The following AFF2 variants were observed in gnomAD, a reference collection of about 807,000 sequenced individuals.
AFF2 encodes the protein AF4/FMR2 family member 2.
A neutral mutation model predicts 76.9 loss-of-function variants in AFF2; 14 were observed. The observed-to-expected ratio is 0.18, with a 90% CI of 0.12 to 0.28. The LOEUF (loss-of-function observed/expected upper bound fraction) is 0.28. Ranked by LOEUF, AFF2 falls within the 10% of genes least tolerant of loss-of-function variation. The probability of loss-of-function intolerance (pLI) is 1.00; values close to 1 mark genes in which losing one functional copy is unlikely to be tolerated. For missense variants in AFF2, 868 were observed against 1,001.1 expected, an observed-to-expected ratio of 0.87 and a Z score of 1.79; for synonymous variants, 398 against 366.7, an observed-to-expected ratio of 1.09 and a Z score of -0.98.
chrX:148,965,182 A>G (rs2072156796), intron 13 of AFF2, among the ~76,000 whole-genome samples: 1 of 111,997 alleles, frequency 8.9e-6, no homozygotes, highest in Non-Finnish European at 1.9e-5. Flanking sequence ...GAGTCCAGCC[A>G]GGAGACTCTT....
chrX:148,839,963 G>A (rs782090865), intron 5 of AFF2, among the ~76,000 whole-genome samples: 68 of 106,379 alleles, frequency 6.4e-4, no homozygotes, highest in Non-Finnish European at 1.2e-3. Flanking sequence ...TAATCCCAAT[G>A]GATTTTCTAG....
At chrX:148,753,058 G>T (rs1233201350) in intron 3 of AFF2, among the ~76,000 whole-genome samples, 1 of 111,542 alleles carries the variant, frequency 9.0e-6, no homozygotes. Context: ...GCAGCCATTT[G>T]TAAGGCTCAC....
chrX:148,807,277 G>A (rs373472974), intron 3 of AFF2, among the ~76,000 whole-genome samples: 2 of 111,825 alleles, frequency 1.8e-5, no homozygotes, highest in Non-Finnish European at 3.8e-5. Flanking sequence ...TTGAAAAGAC[G>A]AGAAGACAGG....
At chrX:148,618,360 C>T (rs1476351062) in intron 1 of AFF2, among the ~76,000 whole-genome samples, 1 of 111,202 alleles carries the variant, frequency 9.0e-6, no homozygotes, top group African/African-American at 3.3e-5. Context: ...GGGAAACAAA[C>T]ACATCCTTCT....
chrX:148,664,703 A>C (rs112722927), intron 3 of AFF2, among the ~76,000 whole-genome samples: 2,030 of 112,709 alleles, frequency 0.018, 47 homozygotes, highest in African/African-American at 0.062. Context: ...CTTAGCACAT[A>C]GTAGATACTC....
intron 3 of AFF2, among the ~76,000 whole-genome samples, chrX:148,764,009 T>C (rs2069482912): frequency 8.9e-6 from 1 of 112,300 alleles, no homozygotes; most frequent in Non-Finnish European, 1.9e-5. Context: ...AATCTGTAGA[T>C]TAGTCAGCTG....
At chrX:148,666,404 G>A (rs1203580883) in intron 3 of AFF2, among the ~76,000 whole-genome samples, 4 of 110,268 alleles carry the variant, frequency 3.6e-5, no homozygotes, top group African/African-American at 1.3e-4. Flanking sequence ...GGCCAACATG[G>A]TGAAACCCCA....
chrX:148,685,365 T>G (rs1557260257), intron 3 of AFF2, among the ~76,000 whole-genome samples: 1 of 112,400 alleles, frequency 8.9e-6, no homozygotes, highest in Non-Finnish European at 1.9e-5. Flanking sequence ...ACCCAGTGAA[T>G]TATCCCTGCC....
chrX:148,688,823 A>G (rs2054623948), intron 3 of AFF2, among the ~76,000 whole-genome samples: 1 of 111,733 alleles, frequency 8.9e-6, no homozygotes. Flanking sequence ...ACTAAATACT[A>G]TAGGCAACTG....
At position 148,874,025 on chromosome X, in the gene AFF2, C is replaced by T. The variant is rs959621549; in HGVS notation, c.1263-11864C>T. Reference sequence around the variant, plus strand: ...TGATTCTATCTAGACAGCTAGTTACCTATCTATCAAGAAGGTGAGTCTATG... The same window carrying T: ...TGATTCTATCTAGACAGCTAGTTACTTATCTATCAAGAAGGTGAGTCTATG... On this transcript the variant is annotated intron_variant, in intron 7 of 20. Coordinates refer to ENST00000370460, the MANE Select transcript of AFF2 (RefSeq NM_002025.4). 8.1e-5 allele frequency among the ~76,000 whole-genome samples: 9 copies of T among 111,554 alleles called. 1 individual carries two copies. The highest frequency in any genetic ancestry group is 2.9e-4 in the African/African-American group (9 of 30,681).
chrX:148,652,065 G>T lies in AFF2; in HGVS notation c.114G>T (p.Gln38His). The change falls in exon 2 of 21, where the codon CAG becomes CAT. Residue 38 changes from glutamine to histidine, a missense_variant. Transcript: ENST00000370460. ...GGGAGCGGAGGAATCAAGAAGTCCAGCAAGAAGACGATCTCTTTTCTTCAG... is the reference window on the plus strand; with the variant it reads ...GGGAGCGGAGGAATCAAGAAGTCCATCAAGAAGACGATCTCTTTTCTTCAG... ...REWERRNQEV[Q>H]QEDDLFSSGF... 8.3e-7 allele frequency: 1 copy of T among 1,201,998 alleles called. No individual in the cohort carries two copies. The highest frequency in any genetic ancestry group is 1.1e-6 in the Non-Finnish European group (1 of 886,840).
At chrX:148,579,388 C>T (rs930998696) in intron 1 of AFF2, among the ~76,000 whole-genome samples, 61 of 111,334 alleles carry the variant, frequency 5.5e-4, no homozygotes, top group African/African-American at 1.8e-3. Context: ...ACCTGAGATG[C>T]GCATGCACAA....
intron 1 of AFF2, among the ~76,000 whole-genome samples, chrX:148,573,067 T>C (rs1440171927): frequency 9.0e-6 from 1 of 111,486 alleles, no homozygotes; most frequent in Non-Finnish European, 1.9e-5. Context: ...TTAGAATTGC[T>C]GCTGCATGGT....
intron 5 of AFF2, among the ~76,000 whole-genome samples, chrX:148,841,498 A>T (rs1409139897): frequency 8.9e-5 from 10 of 112,138 alleles, no homozygotes; most frequent in Non-Finnish European, 1.9e-4. Context: ...CTTATATATT[A>T]TGATGAGTGT....
chrX:148,919,363 G>A (rs1346337349), intron 9 of AFF2, among the ~76,000 whole-genome samples: 2 of 110,295 alleles, frequency 1.8e-5, no homozygotes, highest in Non-Finnish European at 3.8e-5. Context: ...CATACACATT[G>A]GTGTTAGCTT....
At chrX:148,974,691 G>T (rs1557289993) in intron 16 of AFF2, among the ~76,000 whole-genome samples, 1 of 112,111 alleles carries the variant, frequency 8.9e-6, no homozygotes, top group African/African-American at 3.2e-5. Context: ...CAAAAGTAGG[G>T]TGATTATAAG....
chrX:148,776,228 A>G (rs1342569392), intron 3 of AFF2, among the ~76,000 whole-genome samples: 3 of 112,131 alleles, frequency 2.7e-5, no homozygotes, highest in Non-Finnish European at 5.6e-5. Context: ...CATGGTGTAT[A>G]TGTACCACAT....
chrX:148,812,300 C>G (rs962787272), intron 4 of AFF2, among the ~76,000 whole-genome samples: 2 of 110,883 alleles, frequency 1.8e-5, no homozygotes, highest in Admixed American at 1.9e-4. Context: ...TATCTTTCTC[C>G]CTACCTCTCC....
At chrX:148,783,896 C>T (rs2124614854) in intron 3 of AFF2, among the ~76,000 whole-genome samples, 1 of 111,544 alleles carries the variant, frequency 9.0e-6, no homozygotes, top group East Asian at 2.8e-4. Context: ...ATTCTACAGG[C>T]CTTTTGAACT....
Sources: allele counts gnomAD v4.1 joint callset (sites outside exome capture counted in the v4.1 genomes callset), GRCh38; gene constraint gnomAD v4.1.1; transcripts MANE v1.5; gene names NCBI Gene and HGNC (gene_info 2026-07-23, HGNC 2026-07-21).